Variants in CWC22 observed in about 807,000 individuals in gnomAD.
CWC22 encodes pre-mRNA-splicing factor CWC22 homolog.
CWC22 carries 53 observed loss-of-function variants against 117.2 expected under a neutral mutation model. The observed-to-expected ratio is 0.45, with a 90% confidence interval of 0.36 to 0.57. The LOEUF (loss-of-function observed/expected upper bound fraction) is 0.57, where lower values mean the gene tolerates loss of function less well. Among genes scored for constraint, CWC22 ranks in the 20% least tolerant of loss-of-function variants. The pLI is 0.00. For missense variants in CWC22, 980 were observed against 1,068.8 expected (o/e 0.92, Z 1.16); for synonymous variants, 360 against 355.6 (o/e 1.01, Z -0.14).
rs572786558 is a variant in CWC22 at position 179,966,546 on chromosome 2, C to T, written c.1211-564G>A. On this transcript the variant is annotated intron_variant, in intron 11 of 19. Coordinates refer to ENST00000410053, the MANE Select transcript of CWC22 (RefSeq NM_020943.3). ...ATTCAAAGACTTTTCATATATAAAA[C>T]AGAAACAGAAGTTTAAAAGCCTTTA... is the stretch of plus-strand genomic sequence containing the variant. Among the ~76,000 whole-genome samples the T allele has an allele frequency of 1.4e-4, 21 of 152,044 alleles. 1 individual carries two copies. The South Asian group carries it at 4.3e-3, about 31-fold the overall frequency.
intron 1 of CWC22, among the ~76,000 whole-genome samples, chr2:180,001,526 C>T (rs1687850950): frequency 2.0e-5 from 3 of 152,200 alleles, no homozygotes; most frequent in Middle Eastern, 6.8e-3. Flanking sequence ...GATGGGGTTT[C>T]GCCATGTTGG....
chr2:179,960,380 C>T (rs1200061215), intron 13 of CWC22, among the ~76,000 whole-genome samples: 2 of 151,882 alleles, frequency 1.3e-5, no homozygotes, highest in Non-Finnish European at 2.9e-5. Flanking sequence ...AAATCAATAA[C>T]TCTATTCAAA....
In CWC22 at chr2:179,973,504, C is replaced by T. The variant is rs1687082066; in HGVS notation, c.750+130G>A. 3 of 693,128 alleles carry T rather than the reference C, an allele frequency of 4.3e-6. No homozygotes were observed. In the African/African-American group the frequency reaches 5.4e-5, roughly 13 times the overall value. The allele number at this position is 693,128 out of a possible 1,614,324, so 42.9% of individuals were successfully genotyped here. ...ATATTTAACAGATCAAAGAAGTTCT[C>T]ATGAAAGACAGTTTTTAAAAAGCAT... On this transcript the variant is annotated intron_variant, in intron 7 of 19. Coordinates refer to ENST00000410053, the MANE Select transcript of CWC22 (RefSeq NM_020943.3).
rs180954145 is a variant in CWC22 at position 179,984,622 on chromosome 2, A to G, written c.206+2073T>C. 2.5e-4 allele frequency among the ~76,000 whole-genome samples: 38 copies of G among 152,162 alleles called. No individual in the cohort carries two copies. In the East Asian group the frequency reaches 7.1e-3, roughly 29 times the overall value. The stretch of plus-strand genomic sequence containing the variant: ...CAAAAAAAGATATTGATTTTAGTCA[A>G]CGATAAACCATGAGAGTCAAGTTTT... On this transcript the variant is annotated intron_variant, in intron 4 of 19. Transcript: ENST00000410053.
rs1425822122 is a variant in CWC22, at chr2:179,981,957, T to C, written c.247A>G (p.Thr83Ala). 1.9e-6 allele frequency: 3 copies of C among 1,556,628 alleles called. No homozygotes were observed. The highest frequency in any genetic ancestry group is 2.4e-5 in the East Asian group (1 of 41,568). ...REKRRERERD[T>A]DRKRSRKSPS... Reference sequence around the variant, plus strand: ...GATTTCCGAGACCTTTTCCGATCCGTATCTCTTTCTCTTTCTCTGCGTTTT... The same window carrying C: ...GATTTCCGAGACCTTTTCCGATCCGCATCTCTTTCTCTTTCTCTGCGTTTT... Residue 83 changes from threonine to alanine, a missense_variant, in exon 5 of 20, where the codon ACG (threonine) becomes GCG (alanine). This residue lies in a region of CWC22 where 559 missense variants were observed against 602.3 expected (regional missense o/e 0.93). Transcript: ENST00000410053.
intron 6 of CWC22, among the ~76,000 whole-genome samples, chr2:179,974,782 C>T (rs538218551): frequency 5.0e-4 from 76 of 152,248 alleles, no homozygotes; most frequent in South Asian, 3.3e-3. Context: ...GACAGGGTCT[C>T]ACTCTGTCAC....
In CWC22 at chr2:179,971,134, T is replaced by C. The variant is rs556019939; in HGVS notation, c.805-58A>G. ...AAATGCTTTTACATACATTAAATTA[T>C]TTTTATAATTTCTAAAAATTAGTAA... On this transcript the variant is annotated intron_variant, in intron 8 of 19. Transcript: ENST00000410053. 6.8e-6 allele frequency: 8 copies of C among 1,170,094 alleles called. No individual in the cohort carries two copies. The African/African-American group carries it at 1.3e-4, about 18-fold the overall frequency. 72.5% of individuals were successfully genotyped at this position (1,170,094 alleles called of 1,614,324 possible).
chr2:179,999,661 A>C (rs1687797203), intron 1 of CWC22, among the ~76,000 whole-genome samples: 1 of 152,166 alleles, frequency 6.6e-6, no homozygotes, highest in South Asian at 2.1e-4. Context: ...TCTCAGTCCA[A>C]GTTAGAGGAA....
chr2:179,981,621 G>A, intron 5 of CWC22, 131 bp downstream of exon 5: 1 of 669,840 alleles, frequency 1.5e-6, no homozygotes, highest in Admixed American at 2.8e-5. Flanking sequence ...AAAGTAAAGA[G>A]GTCTCTAATT....
chr2:179,998,394 CTGG>C (rs1038220963), intron 1 of CWC22, among the ~76,000 whole-genome samples: 1 of 151,998 alleles, frequency 6.6e-6, no homozygotes, highest in African/African-American at 2.4e-5. Flanking sequence ...TTACCCTGTT[CTGG>C]TGATTTTTTT....
intron 5 of CWC22, among the ~76,000 whole-genome samples, chr2:179,979,501 T>C (rs890302839): frequency 2.0e-5 from 3 of 152,326 alleles, no homozygotes; most frequent in Admixed American, 2.0e-4. Flanking sequence ...ATTCTATTCA[T>C]GGACCTCTTG....
intron 13 of CWC22, among the ~76,000 whole-genome samples, chr2:179,961,947 G>A (rs916842233): frequency 3.3e-5 from 5 of 152,036 alleles, no homozygotes; most frequent in Non-Finnish European, 7.4e-5. Flanking sequence ...CTGAATTACT[G>A]TCTTCTTTAC....
intron 14 of CWC22, among the ~76,000 whole-genome samples, chr2:179,956,784 C>CT (rs201582465): frequency 0.076 from 11,142 of 146,230 alleles, 515 homozygotes; most frequent in East Asian, 0.26. Flanking sequence ...TCACTTTCAA[C>CT]TTTTTTTTTT....
At chr2:179,947,951 T>C (rs1207413331) in intron 19 of CWC22, among the ~76,000 whole-genome samples, 2 of 152,178 alleles carry the variant, frequency 1.3e-5, no homozygotes, top group East Asian at 3.8e-4. Context: ...CAAGATACTG[T>C]AATGAAAGAA....
intron 15 of CWC22, among the ~76,000 whole-genome samples, 157 bp downstream of exon 15, chr2:179,954,800 A>G (rs2105510773): frequency 6.6e-6 from 1 of 152,242 alleles, no homozygotes; most frequent in Non-Finnish European, 1.5e-5. Context: ...GTAGAAAAAG[A>G]GGAAGGTGAA....
intron 19 of CWC22, among the ~76,000 whole-genome samples, chr2:179,947,916 T>C (rs1686351399): frequency 6.6e-6 from 1 of 152,170 alleles, no homozygotes. Flanking sequence ...GCATGTAGGA[T>C]AAGCAGACAA....
At chr2:180,003,979 C>T (rs766210121) in intron 1 of CWC22, among the ~76,000 whole-genome samples, 1 of 152,176 alleles carries the variant, frequency 6.6e-6, no homozygotes, top group Non-Finnish European at 1.5e-5. Flanking sequence ...AATGTACATA[C>T]TGAGAAAAAG....
chr2:180,005,551 G>A (rs912638446), intron 1 of CWC22, among the ~76,000 whole-genome samples: 1 of 152,114 alleles, frequency 6.6e-6, no homozygotes, highest in African/African-American at 2.4e-5. Context: ...ACTCCAGCCT[G>A]GGCGACAGAG....
chr2:179,986,589 TC>T, intron 4 of CWC22, 105 bp downstream of exon 4: 2 of 603,160 alleles, frequency 3.3e-6, no homozygotes, highest in African/African-American at 1.9e-5. Flanking sequence ...CCTAAAAACA[TC>T]CAATTAATGT....
Sources: allele counts gnomAD v4.1 joint callset (sites outside exome capture counted in the v4.1 genomes callset), GRCh38; gene constraint gnomAD v4.1.1; regional missense constraint gnomAD v4.1.1; transcripts MANE v1.5; gene names NCBI Gene and HGNC (gene_info 2026-07-23, HGNC 2026-07-21).